The following FAM3B variants were observed in gnomAD, a reference collection of about 807,000 sequenced individuals.
FAM3B encodes the protein FAM3 metabolism regulating signaling molecule B.
In FAM3B, 29 loss-of-function variants were observed where a neutral mutation model predicts 28.4. That is an observed-to-expected ratio of 1.02 (90% confidence interval 0.76 to 1.39). FAM3B has a LOEUF of 1.39. Ranked by LOEUF, FAM3B falls within the 40% of genes most tolerant of loss-of-function variation. FAM3B has a pLI of 0.00. For missense variants in FAM3B, 266 were observed against 293.9 expected, an observed-to-expected ratio of 0.91 and a Z score of 0.69; for synonymous variants, 91 against 103.0, an observed-to-expected ratio of 0.88 and a Z score of 0.71.
intron 7 of FAM3B, 37 bp downstream of exon 7, chr21:41,348,761 G>A (rs1250038688): frequency 6.2e-6 from 10 of 1,613,686 alleles, no homozygotes; most frequent in Non-Finnish European, 8.5e-6. Flanking sequence ...CACCAATGGT[G>A]AGTATAGTAA....
At chr21:41,329,882 C>T (rs1241129994) in intron 2 of FAM3B, among the ~76,000 whole-genome samples, 1 of 152,068 alleles carries the variant, frequency 6.6e-6, no homozygotes, top group African/African-American at 2.4e-5. Context: ...AAAGTGCTTT[C>T]TTTAAGTGAA....
intron 7 of FAM3B, among the ~76,000 whole-genome samples, chr21:41,349,580 T>G (rs2089095531): frequency 2.6e-5 from 4 of 152,152 alleles, no homozygotes; most frequent in Admixed American, 2.0e-4. Context: ...TGACATTTGG[T>G]CCCAGTCTGC....
chr21:41,345,855 C>T (rs1224463043), intron 5 of FAM3B, 119 bp downstream of exon 5: 2 of 692,790 alleles, frequency 2.9e-6, no homozygotes, highest in Non-Finnish European at 5.2e-6. Flanking sequence ...GCCAGCAGCT[C>T]TCCTGAGTAA....
At chr21:41,338,319 G>A in intron 2 of FAM3B, 59 bp from the exon 3 acceptor site, 1 of 1,596,540 alleles carries the variant, frequency 6.3e-7, no homozygotes. Flanking sequence ...CCAAGCAGCA[G>A]GTGCATCTGT....
intron 2 of FAM3B, among the ~76,000 whole-genome samples, chr21:41,325,548 C>A (rs1409504697): frequency 2.0e-5 from 3 of 152,106 alleles, no homozygotes; most frequent in Non-Finnish European, 2.9e-5. Flanking sequence ...GATTCCTGGA[C>A]CCCACTCTGG....
intron 7 of FAM3B, among the ~76,000 whole-genome samples, chr21:41,351,834 G>T (rs895444659): frequency 6.6e-6 from 1 of 152,168 alleles, no homozygotes; most frequent in Non-Finnish European, 1.5e-5. Context: ...CAACCTCTTG[G>T]TTTTATAGGA....
intron 7 of FAM3B, among the ~76,000 whole-genome samples, chr21:41,354,267 C>CTAA (rs2089145863): frequency 6.6e-6 from 1 of 152,134 alleles, no homozygotes. Context: ...ACTATTTGAC[C>CTAA]AGCAATCCCA....
chr21:41,323,838 C>T (rs2088832137), intron 2 of FAM3B, among the ~76,000 whole-genome samples: 1 of 152,096 alleles, frequency 6.6e-6, no homozygotes. Flanking sequence ...GGGCTGTGTG[C>T]CAGTTTGGGA....
chr21:41,314,996 G>A (rs2088737866), upstream of FAM3B, among the ~76,000 whole-genome samples: 1 of 152,150 alleles, frequency 6.6e-6, no homozygotes, highest in African/African-American at 2.4e-5. Context: ...CATGTTCATA[G>A]CAGTATTATT....
intron 3 of FAM3B, among the ~76,000 whole-genome samples, chr21:41,342,482 C>A (rs781122574): frequency 6.6e-6 from 1 of 152,180 alleles, no homozygotes; most frequent in South Asian, 2.1e-4. Context: ...CTTATCACTA[C>A]TATAGTCTCT....
rs1273766531 is a variant in FAM3B, at chr21:41,323,019, G to C, written c.116G>C (p.Ser39Thr). ...CTCATTCCAGATGCACCCCTGTCCA[G>C]TGCTGCCTATAGCATCCGCAGCATC... ...AELIPDAPLSSAAYSIRSIGE... is the reference protein window; with the variant it reads ...AELIPDAPLSTAAYSIRSIGE... Residue 39 changes from serine (S) to threonine (T), a missense_variant, in exon 2 of 8, where the codon AGT (serine) becomes ACT (threonine). Ser to Thr is a moderately conservative substitution (Grantham distance 58). Transcript: ENST00000357985. The C allele has an allele frequency of 3.1e-6, 5 of 1,609,808 alleles. No individual in the cohort carries two copies. Among genetic ancestry groups the C allele is most frequent in the Non-Finnish European group, 4.2e-6 (5 of 1,180,028 alleles).
At chr21:41,353,012 C>T (rs1232357759) in intron 7 of FAM3B, among the ~76,000 whole-genome samples, 1 of 152,096 alleles carries the variant, frequency 6.6e-6, no homozygotes. Flanking sequence ...TTATACTTCT[C>T]TTTACTTGCA....
intron 5 of FAM3B, 155 bp downstream of exon 5, chr21:41,345,891 C>G: frequency 1.7e-6 from 1 of 599,280 alleles, no homozygotes; most frequent in South Asian, 1.8e-5. Context: ...TGTAGATCCT[C>G]TTAAACTCTA....
chr21:41,344,348 G>A (rs4818234), intron 3 of FAM3B, 128 bp from the exon 4 acceptor site: 65,078 of 797,062 alleles, frequency 0.082, 6,458 homozygotes, highest in African/African-American at 0.4. Context: ...GCACCAAGGC[G>A]AATGCAGACT....
At position 41,323,053 on chromosome 21, in the gene FAM3B, G is replaced by T. The variant is rs748932740; in HGVS notation, c.150G>T (p.Arg50Ser). Residue 50 changes from arginine to serine, a missense_variant, in exon 2 of 8, where the codon AGG (arginine) becomes AGT (serine). By Grantham distance (110) the Arg-to-Ser change is moderately radical. Transcript: ENST00000357985. The part of the protein sequence containing the change: ...AAYSIRSIGE[R>S]PVLKAPVPKR... ...ATAGCATCCGCAGCATCGGGGAGAG[G>T]CCTGTCCTCAAAGGTGAGTGCCGTG... is the stretch of plus-strand genomic sequence containing the variant. The T allele has an allele frequency of 1.2e-6, 2 of 1,605,142 alleles. No individual in the cohort carries two copies. Among genetic ancestry groups the T allele is most frequent in the Admixed American group, 1.7e-5 (1 of 60,006 alleles).
chr21:41,306,490 TG>T (rs1438143226), intron 1 of FAM3B, among the ~76,000 whole-genome samples: 2 of 152,252 alleles, frequency 1.3e-5, no homozygotes, highest in Non-Finnish European at 1.5e-5. Context: ...AATTACTCTT[TG>T]ATCCAAGGGC....
chr21:41,349,793 C>T (rs190612245), intron 7 of FAM3B, among the ~76,000 whole-genome samples: 2 of 152,314 alleles, frequency 1.3e-5, no homozygotes, highest in African/African-American at 2.4e-5. Context: ...GTCTCATGTT[C>T]CGGAGGCCCG....
chr21:41,316,954 G>T, intron 1 of FAM3B, 56 bp downstream of exon 1: 1 of 1,273,160 alleles, frequency 7.9e-7, no homozygotes, highest in East Asian at 3.1e-5. Context: ...GGACCCCAGG[G>T]GAAGCGTCGC....
intron 1 of FAM3B, among the ~76,000 whole-genome samples, chr21:41,306,135 A>C (rs941225287): frequency 1.3e-5 from 2 of 152,226 alleles, no homozygotes; most frequent in African/African-American, 4.8e-5. Context: ...CATCGGTTCA[A>C]ATTTTCTCAT....
Sources: gnomAD v4.1 joint callset for allele counts (sites outside exome capture counted in the v4.1 genomes callset) on GRCh38, gnomAD v4.1.1 for gene constraint, MANE v1.5 for transcripts, NCBI Gene and HGNC (gene_info 2026-07-23, HGNC 2026-07-21) for gene names.